SASH1: variants seen among roughly 807,000 people sequenced by gnomAD.
SASH1 encodes SAM and SH3 domain containing 1, also known as SAM and SH3 domain-containing protein 1.
SASH1 carries 44 observed loss-of-function variants against 125.2 expected under a neutral mutation model. The ratio of observed to expected loss-of-function variants is 0.35; its 90% CI spans 0.28 to 0.45. The LOEUF (loss-of-function observed/expected upper bound fraction) is 0.45. Among genes scored for constraint, SASH1 ranks in the 20% least tolerant of loss-of-function variants. The pLI is 1.00. For missense variants in SASH1, 1,426 were observed against 1,614.5 expected (o/e 0.88, Z 2.00); for synonymous variants, 639 against 649.1 (o/e 0.98, Z 0.24).
chr6:148,200,860 C>T, the SASH1 span, among the ~76,000 whole-genome samples: 1 of 152,208 alleles, frequency 6.6e-6, no homozygotes, highest in East Asian at 1.9e-4. Flanking sequence ...CCTTTCACTA[C>T]TCCACCCGTG....
the SASH1 span, among the ~76,000 whole-genome samples, chr6:148,219,946 A>G: frequency 6.6e-6 from 1 of 152,234 alleles, no homozygotes; most frequent in Non-Finnish European, 1.5e-5. Context: ...AGAATGGAAT[A>G]GTAGATAGTG....
chr6:148,313,378 G>A (rs906224114), intron 1 of SASH1, among the ~76,000 whole-genome samples: 2 of 152,108 alleles, frequency 1.3e-5, no homozygotes, highest in South Asian at 2.1e-4. Context: ...GTAGCTTCAA[G>A]CTATTACTTT....
intron 1 of SASH1, among the ~76,000 whole-genome samples, chr6:148,298,004 TTATA>T (rs200320710): frequency 6.6e-6 from 1 of 150,402 alleles, no homozygotes. Flanking sequence ...TAATTGATTA[TTATA>T]TATATATTTT....
intron 1 of SASH1, among the ~76,000 whole-genome samples, chr6:148,389,591 T>G (rs775511966): frequency 3.3e-5 from 5 of 152,230 alleles, no homozygotes; most frequent in African/African-American, 4.8e-5. Context: ...CAGTGAGATT[T>G]GTCCCAGATG....
At chr6:148,427,693 A>G (rs1775885515) in intron 2 of SASH1, among the ~76,000 whole-genome samples, 1 of 152,164 alleles carries the variant, frequency 6.6e-6, no homozygotes, top group East Asian at 1.9e-4. Flanking sequence ...CTTAGATTCA[A>G]ATTACTCCTG....
Position 148,544,911 on chromosome 6 carries a change from G to A in SASH1, c.3348+93G>A, listed in dbSNP as rs146390880. ...ATGAACCCACATCTGAAGCCAGCCC[G>A]GTAGCCCGCCCAGTGGACAGGAGAC... On this transcript the variant is annotated intron_variant, in intron 18 of 19. Transcript: ENST00000367467. The surrounding 1 kb of genome is among the most constrained non-coding windows in gnomAD (Gnocchi z 6.4). The A allele has an allele frequency of 4.9e-3, 6,267 of 1,279,576 alleles. 26 individuals carry two copies. Among genetic ancestry groups the A allele is most frequent in the Non-Finnish European group, 6.0e-3 (5,646 of 945,318 alleles). 79.3% of individuals were successfully genotyped at this position (1,279,576 alleles called of 1,614,324 possible).
At chr6:148,482,538 T>C (rs1049875614) in intron 7 of SASH1, among the ~76,000 whole-genome samples, 3 of 151,888 alleles carry the variant, frequency 2.0e-5, no homozygotes, top group Non-Finnish European at 4.4e-5. Context: ...TTTTTTTTTT[T>C]CGAGGTAGGA....
At chr6:148,372,256 G>A (rs1292120788) in intron 1 of SASH1, among the ~76,000 whole-genome samples, 1 of 152,162 alleles carries the variant, frequency 6.6e-6, no homozygotes, top group Non-Finnish European at 1.5e-5. Context: ...TCCTTTGGTA[G>A]TGGCTGTTTT....
chr6:148,215,055 A>G, the SASH1 span, among the ~76,000 whole-genome samples: 2 of 152,126 alleles, frequency 1.3e-5, no homozygotes, highest in African/African-American at 4.8e-5. Context: ...GAGTCCAGGG[A>G]TGCCTGGTTC....
intron 1 of SASH1, among the ~76,000 whole-genome samples, chr6:148,377,189 AAAAAACAAAAAAAAAACAAAAC>A (rs1782943137): frequency 2.8e-5 from 4 of 144,856 alleles, no homozygotes; most frequent in Admixed American, 7.2e-5. Flanking sequence ...AAAAACAAAA[AAAAAACAAAAAAAAAACAAAAC>A]AAACAAACAA....
chr6:148,461,771 C>T (rs1270343972), intron 4 of SASH1, among the ~76,000 whole-genome samples: 1 of 152,084 alleles, frequency 6.6e-6, no homozygotes, highest in Non-Finnish European at 1.5e-5. Flanking sequence ...TTCTCTTAAA[C>T]AGAGGAGATA....
the SASH1 span, among the ~76,000 whole-genome samples, chr6:148,244,748 G>C: frequency 6.6e-6 from 1 of 152,112 alleles, no homozygotes; most frequent in Non-Finnish European, 1.5e-5. Flanking sequence ...CTGTGCTGCC[G>C]GCCACAGGGC....
At position 148,393,757 on chromosome 6, in the gene SASH1, G is replaced by A. The variant is rs1375726559; in HGVS notation, c.285+3495G>A. The A allele has an allele frequency of 5.1e-6, 5 of 984,186 alleles. No individual in the cohort carries two copies. In the East Asian group the frequency reaches 3.4e-4, roughly 67 times the overall value. The allele number at this position is 984,186 out of a possible 1,614,324, so 61.0% of individuals were successfully genotyped here. Reference sequence around the variant, plus strand: ...TGAGCTTAATTAGTTCCCATCAAAGGTGCAAGAATTTGGTGGTGAGTAAAA... The same window carrying A: ...TGAGCTTAATTAGTTCCCATCAAAGATGCAAGAATTTGGTGGTGAGTAAAA... On this transcript the variant is annotated intron_variant, in intron 2 of 19. Transcript: ENST00000367467.
intron 2 of SASH1, among the ~76,000 whole-genome samples, chr6:148,427,753 A>G (rs905507533): frequency 9.2e-5 from 14 of 152,194 alleles, no homozygotes; most frequent in Admixed American, 6.5e-4. Context: ...ATGCTTCAAG[A>G]TGGTGGAACT....
At chr6:148,204,260 G>A in the SASH1 span, among the ~76,000 whole-genome samples, 8,585 of 152,302 alleles carry the variant, frequency 0.056, 301 homozygotes, top group Middle Eastern at 0.13. Flanking sequence ...TGCGGAATAG[G>A]TGCTGGATGC....
chr6:148,326,811 A>G (rs771482049), intron 1 of SASH1, among the ~76,000 whole-genome samples: 4 of 152,148 alleles, frequency 2.6e-5, no homozygotes, highest in Non-Finnish European at 5.9e-5. Context: ...GTGAAGTTAG[A>G]GCAATGCATG....
intron 10 of SASH1, among the ~76,000 whole-genome samples, chr6:148,522,097 C>T (rs758675935): frequency 9.9e-5 from 15 of 152,186 alleles, no homozygotes; most frequent in Admixed American, 3.9e-4. Context: ...CTCCAGGCAC[C>T]GCCCCCACCT....
intron 7 of SASH1, chr6:148,480,556 C>T (rs187522750): frequency 6.6e-6 from 1 of 152,210 alleles, no homozygotes; most frequent in East Asian, 1.9e-4. Context: ...CAGGACATCT[C>T]AACAGGAGAG....
At chr6:148,476,188 A>G (rs1778334789) in intron 7 of SASH1, among the ~76,000 whole-genome samples, 1 of 151,938 alleles carries the variant, frequency 6.6e-6, no homozygotes, top group Non-Finnish European at 1.5e-5. Context: ...GTAGCCACAA[A>G]TAAAATACCT....
Sources: gnomAD v4.1 joint callset for allele counts (sites outside exome capture counted in the v4.1 genomes callset) on GRCh38, gnomAD v4.1.1 for gene constraint, Gnocchi (gnomAD v3.1) non-coding constraint, MANE v1.5 for transcripts, NCBI Gene and HGNC (gene_info 2026-07-23, HGNC 2026-07-21) for gene names.